TMED8: variants seen among roughly 807,000 people sequenced by gnomAD.
TMED8 encodes the protein protein TMED8.
TMED8 carries 15 observed loss-of-function variants against 32.7 expected under a neutral mutation model. The observed-to-expected ratio is 0.46, with a 90% CI of 0.31 to 0.71. The LOEUF (loss-of-function observed/expected upper bound fraction) is 0.71. Among genes scored for constraint, TMED8 ranks in the 30% least tolerant of loss-of-function variants. The probability of loss-of-function intolerance (pLI) is 0.06; values close to 1 mark genes in which losing one functional copy is unlikely to be tolerated. For synonymous variants in TMED8, 147 were observed against 161.4 expected (o/e 0.91, Z 0.68); for missense variants, 390 against 423.9 (o/e 0.92, Z 0.70).
At chr14:77,350,009 A>G (rs1893143229) in intron 2 of TMED8, among the ~76,000 whole-genome samples, 1 of 152,222 alleles carries the variant, frequency 6.6e-6, no homozygotes, top group Admixed American at 6.5e-5. Context: ...TAGACAAGAC[A>G]CTGGCTAATA....
intron 1 of TMED8, among the ~76,000 whole-genome samples, chr14:77,373,729 G>A (rs985780547): frequency 5.9e-5 from 9 of 152,092 alleles, no homozygotes; most frequent in East Asian, 1.9e-4. Flanking sequence ...CAAATCTCAC[G>A]CTGAAATGTG....
At position 77,337,000 on chromosome 14, in the gene TMED8, C is replaced by T. The variant is rs559263064; in HGVS notation, c.*4771G>A. 27 of 152,230 alleles carry T rather than the reference C, an allele frequency of 1.8e-4. No homozygotes were observed. The highest frequency in any genetic ancestry group is 1.5e-3 in the South Asian group (7 of 4,824). The allele number at this position is 152,230 out of a possible 1,614,324, so 9.4% of individuals were successfully genotyped here. On this transcript the variant is annotated 3_prime_UTR_variant, in exon 6 of 6. Coordinates refer to ENST00000216468, the MANE Select transcript of TMED8 (RefSeq NM_213601.3). ...AATTCTACTGCTTAATATAAGACAG[C>T]GTTCAGATTTCACTCTTCCATATAC...
At chr14:77,363,059 A>G (rs1355862031) in intron 1 of TMED8, among the ~76,000 whole-genome samples, 1 of 152,196 alleles carries the variant, frequency 6.6e-6, no homozygotes, top group East Asian at 1.9e-4. Context: ...TCAACAATGG[A>G]TACATCAACT....
chr14:77,372,392 A>G (rs1477353138), intron 1 of TMED8, among the ~76,000 whole-genome samples: 2 of 152,246 alleles, frequency 1.3e-5, no homozygotes, highest in Non-Finnish European at 2.9e-5. Context: ...ATATCAGGTC[A>G]GGGTTCTTTA....
intron 1 of TMED8, among the ~76,000 whole-genome samples, chr14:77,355,198 C>CTTT (rs769300656): frequency 1.4e-5 from 2 of 138,848 alleles, no homozygotes; most frequent in Non-Finnish European, 3.1e-5. Context: ...GCACTAAACA[C>CTTT]TTTTTTTTTT....
chr14:77,372,569 G>C (rs1413258497), intron 1 of TMED8, among the ~76,000 whole-genome samples: 1 of 152,092 alleles, frequency 6.6e-6, no homozygotes, highest in Non-Finnish European at 1.5e-5. Flanking sequence ...ACCAAATCTA[G>C]TGACCATGTG....
chr14:77,350,394 G>T (rs1456548724), intron 2 of TMED8, among the ~76,000 whole-genome samples: 1 of 152,128 alleles, frequency 6.6e-6, no homozygotes, highest in African/African-American at 2.4e-5. Context: ...ACAGTATCAG[G>T]TACATGGTAG....
At chr14:77,347,628 C>T (rs1032815447) in intron 2 of TMED8, among the ~76,000 whole-genome samples, 3 of 152,230 alleles carry the variant, frequency 2.0e-5, no homozygotes, top group African/African-American at 7.2e-5. Flanking sequence ...TGGTCTTGAA[C>T]TCCCGACCTC....
rs909323411 is a variant in TMED8, at chr14:77,376,195, C to T, written c.118+741G>A. Among the ~76,000 whole-genome samples, 3 of 152,340 alleles carry T rather than the reference C, an allele frequency of 2.0e-5. No homozygotes were observed. The highest frequency in any genetic ancestry group is 4.4e-5 in the Non-Finnish European group (3 of 68,034). On this transcript the variant is annotated intron_variant, in intron 1 of 5. Transcript: ENST00000216468. This position sits in a 1 kb window ranked among gnomAD's most constrained non-coding sequence, Gnocchi z 4.0. ...TTTGTCTTTGGACACTGAAATAATACACACGGAGGAACTCGCGTTAGTAGA... is the reference window on the plus strand; with the variant it reads ...TTTGTCTTTGGACACTGAAATAATATACACGGAGGAACTCGCGTTAGTAGA...
intron 1 of TMED8, among the ~76,000 whole-genome samples, chr14:77,353,414 G>A (rs1396734647): frequency 6.6e-6 from 1 of 150,948 alleles, no homozygotes; most frequent in Non-Finnish European, 1.5e-5. Context: ...ATGTGAACAA[G>A]ATCTATTTTT....
intron 1 of TMED8, among the ~76,000 whole-genome samples, chr14:77,352,433 T>C (rs1191713192): frequency 7.1e-6 from 1 of 141,826 alleles, no homozygotes; most frequent in African/African-American, 2.7e-5. Flanking sequence ...TAATAATAAA[T>C]TTTAAAAATT....
chr14:77,342,086 G>A, intron 5 of TMED8, 98 bp from the exon 6 acceptor site: 7 of 950,640 alleles, frequency 7.4e-6, no homozygotes, highest in Non-Finnish European at 1.1e-5. Context: ...ACAGAGCGGG[G>A]AGATTATTGC....
rs1219051975 is a variant in TMED8, at chr14:77,343,762, G to A, written c.389C>T (p.Thr130Ile). The change falls in exon 4 of 6, where the codon ACA becomes ATA. Residue 130 changes from threonine to isoleucine, a missense_variant. Physicochemically the swap from Thr to Ile is moderately conservative, Grantham distance 89 (BLOSUM62 -1). Transcript: ENST00000216468. ...GDIVMIQSEH[T>I]GAIDVLSADL... ...AGCTGAAAGAACATCTATAGCTCCTGTATGTTCAGACTGGATCATAACGAT... is the reference window on the plus strand; with the variant it reads ...AGCTGAAAGAACATCTATAGCTCCTATATGTTCAGACTGGATCATAACGAT... The A allele has an allele frequency of 5.0e-6, 8 of 1,614,026 alleles. No individual in the cohort carries two copies.
chr14:77,368,659 T>A (rs552894049), intron 1 of TMED8, among the ~76,000 whole-genome samples: 17 of 152,186 alleles, frequency 1.1e-4, no homozygotes, highest in Non-Finnish European at 2.2e-4. Context: ...TGTATTTTAG[T>A]AGAGACAGGG....
chr14:77,346,267 GCTTT>G, intron 3 of TMED8, 78 bp downstream of exon 3: 1 of 1,479,390 alleles, frequency 6.8e-7, no homozygotes, highest in Non-Finnish European at 9.2e-7. Context: ...CCCTCGCAGT[GCTTT>G]CTAATTCCAA....
intron 1 of TMED8, among the ~76,000 whole-genome samples, chr14:77,374,020 C>T (rs1242408824): frequency 6.6e-6 from 1 of 152,230 alleles, no homozygotes; most frequent in Non-Finnish European, 1.5e-5. Context: ...TTCCTGTACA[C>T]CCTGCAATAC....
chr14:77,369,050 T>G (rs901899595), intron 1 of TMED8, among the ~76,000 whole-genome samples: 2 of 152,212 alleles, frequency 1.3e-5, no homozygotes, highest in African/African-American at 4.8e-5. Context: ...TGTTCTATAA[T>G]CTACCGAGTT....
In TMED8 at chr14:77,356,295, TG is replaced by T. The variant is rs1893291213; in HGVS notation, c.119-4545del. Reference sequence around the variant, plus strand: ...AGTACTTTAGAATTCCCCTACCCAATGCCCTTTCCTATCCTATATTCCCTGT... The same window carrying T: ...AGTACTTTAGAATTCCCCTACCCAATCCCTTTCCTATCCTATATTCCCTGT... On this transcript the variant is annotated intron_variant, in intron 1 of 5. Coordinates refer to ENST00000216468, the MANE Select transcript of TMED8 (RefSeq NM_213601.3). 5.9e-5 allele frequency among the ~76,000 whole-genome samples: 9 copies of T among 152,352 alleles called. No homozygotes were observed. The South Asian group carries it at 1.9e-3, about 32-fold the overall frequency.
chr14:77,355,646 G>A (rs1893274363), intron 1 of TMED8, among the ~76,000 whole-genome samples: 1 of 152,108 alleles, frequency 6.6e-6, no homozygotes, highest in South Asian at 2.1e-4. Context: ...ATTGTTACAG[G>A]CAATGATGCT....
Sources: gnomAD v4.1 joint callset for allele counts (sites outside exome capture counted in the v4.1 genomes callset) on GRCh38, gnomAD v4.1.1 for gene constraint, Gnocchi (gnomAD v3.1) non-coding constraint, MANE v1.5 for transcripts, NCBI Gene and HGNC (gene_info 2026-07-23, HGNC 2026-07-21) for gene names.